STXBP4: variants seen among roughly 807,000 people sequenced by gnomAD.
STXBP4 encodes syntaxin-binding protein 4.
A neutral mutation model predicts 76.1 loss-of-function variants in STXBP4; 55 were observed. That is an observed-to-expected ratio of 0.72 (90% CI 0.58 to 0.91). The LOEUF (loss-of-function observed/expected upper bound fraction) is 0.91, where lower values mean the gene tolerates loss of function less well. Among genes scored for constraint, STXBP4 ranks in the 40% least tolerant of loss-of-function variants. The pLI is 0.00. For missense variants in STXBP4, 618 were observed against 636.9 expected (o/e 0.97, Z 0.32); for synonymous variants, 201 against 220.2 (o/e 0.91, Z 0.77).
intron 12 of STXBP4, among the ~76,000 whole-genome samples, chr17:55,066,802 C>G (rs2079057097): frequency 1.3e-5 from 2 of 152,180 alleles, no homozygotes; most frequent in South Asian, 2.1e-4. Context: ...TTTAGATCAC[C>G]TTGAACCTGG....
chr17:55,198,640 T>C, the STXBP4 span, among the ~76,000 whole-genome samples: 31 of 152,208 alleles, frequency 2.0e-4, no homozygotes, highest in Admixed American at 6.5e-5. Context: ...CCTCATTAAA[T>C]ATAACGACTT....
At position 55,014,597 on chromosome 17, in the gene STXBP4, T is replaced by C. The variant is rs568585363; in HGVS notation, c.666+7000T>C. Among the ~76,000 whole-genome samples the C allele has an allele frequency of 9.9e-4, 150 of 152,202 alleles. 3 individuals carry two copies. Among genetic ancestry groups the C allele is most frequent in the African/African-American group, 3.5e-3 (146 of 41,530 alleles). ...CCTCCTGGCCCTTAATGGTCAAGCA[T>C]ACCCGGGGCTCTGTGAAGGTGATGG... On this transcript the variant is annotated intron_variant, in intron 8 of 17. Transcript: ENST00000376352.
At chr17:55,103,101 G>C (rs530944823) in intron 16 of STXBP4, among the ~76,000 whole-genome samples, 14 of 152,148 alleles carry the variant, frequency 9.2e-5, no homozygotes, top group Non-Finnish European at 1.9e-4. Flanking sequence ...TCTGATGATA[G>C]TTTCTTTTGC....
In STXBP4 at chr17:55,163,367, A is replaced by G. The variant is rs2080354159; in HGVS notation, c.*3456A>G. On this transcript the variant is annotated 3_prime_UTR_variant, in exon 18 of 18. Transcript: ENST00000376352. The stretch of plus-strand genomic sequence containing the variant: ...GAAGTCAAGTAGTGACTAACTCACT[A>G]TATGTCAAACACATCATTACTCTTC... 6.6e-6 allele frequency: 1 copy of G among 152,158 alleles called. No homozygotes were observed. 9.4% of individuals were successfully genotyped at this position (152,158 alleles called of 1,614,324 possible).
intron 7 of STXBP4, among the ~76,000 whole-genome samples, chr17:55,001,478 C>A (rs951147200): frequency 1.3e-5 from 2 of 151,372 alleles, no homozygotes; most frequent in African/African-American, 2.4e-5. Context: ...AGGATCAATA[C>A]GAAGAAAAAA....
At chr17:55,148,835 T>C (rs1053863199) in intron 17 of STXBP4, among the ~76,000 whole-genome samples, 10 of 152,294 alleles carry the variant, frequency 6.6e-5, no homozygotes, top group Middle Eastern at 3.4e-3. Flanking sequence ...CCTAGCTTAT[T>C]TTGGCTTTTA....
chr17:55,208,984 A>G, the STXBP4 span, among the ~76,000 whole-genome samples: 2 of 151,950 alleles, frequency 1.3e-5, no homozygotes, highest in African/African-American at 4.8e-5. Context: ...CAGGAGGCTG[A>G]GGCAGGAGAA....
chr17:55,134,251 G>A (rs2080003468), intron 16 of STXBP4, among the ~76,000 whole-genome samples: 1 of 151,964 alleles, frequency 6.6e-6, no homozygotes, highest in African/African-American at 2.4e-5. Context: ...GAGGTAAGAA[G>A]CAAGGTCATC....
At chr17:55,072,302 G>A (rs2079129670) in intron 12 of STXBP4, among the ~76,000 whole-genome samples, 1 of 152,156 alleles carries the variant, frequency 6.6e-6, no homozygotes, top group Non-Finnish European at 1.5e-5. Context: ...GACACGTGAT[G>A]CACCTGAGAC....
chr17:55,097,011 GA>G (rs971161686), intron 16 of STXBP4, among the ~76,000 whole-genome samples: 20 of 151,580 alleles, frequency 1.3e-4, no homozygotes, highest in Non-Finnish European at 2.7e-4. Context: ...TTTGTTGAAT[GA>G]AAAAAAATGA....
intron 8 of STXBP4, among the ~76,000 whole-genome samples, chr17:55,014,466 A>T (rs1284259218): frequency 6.6e-6 from 1 of 152,108 alleles, no homozygotes; most frequent in Admixed American, 6.5e-5. Flanking sequence ...GTATCTAGTG[A>T]CTGGCTGTCC....
intron 17 of STXBP4, among the ~76,000 whole-genome samples, chr17:55,154,284 A>G (rs891440744): frequency 2.6e-5 from 4 of 152,224 alleles, no homozygotes; most frequent in African/African-American, 9.6e-5. Flanking sequence ...TTCTATTGAC[A>G]GGAACTAATC....
chr17:55,180,215 G>T, the STXBP4 span, among the ~76,000 whole-genome samples: 2 of 152,154 alleles, frequency 1.3e-5, no homozygotes, highest in Non-Finnish European at 2.9e-5. Context: ...CACATGATAA[G>T]ACCGTCGTAA....
intron 17 of STXBP4, among the ~76,000 whole-genome samples, chr17:55,144,125 T>C (rs1298768367): frequency 6.6e-6 from 1 of 151,960 alleles, no homozygotes; most frequent in African/African-American, 2.4e-5. Context: ...AAACAGATCT[T>C]AATTTAGGAA....
rs186804341 is a variant in STXBP4, at chr17:55,076,821, T to C, written c.1189-1257T>C. On this transcript the variant is annotated intron_variant, in intron 13 of 17. Coordinates refer to ENST00000376352, the MANE Select transcript of STXBP4 (RefSeq NM_178509.6). ...CTGGCTGTTTTCTCTTTACCTTTTCTCCCCATTTGTATTTCAATTTTTGTC... is the reference window on the plus strand; with the variant it reads ...CTGGCTGTTTTCTCTTTACCTTTTCCCCCCATTTGTATTTCAATTTTTGTC... Among the ~76,000 whole-genome samples, 8 of 152,270 alleles carry C rather than the reference T, an allele frequency of 5.3e-5. No homozygotes were observed. The East Asian group carries it at 1.5e-3, about 29-fold the overall frequency.
At chr17:55,062,417 A>G (rs1456103706) in intron 12 of STXBP4, among the ~76,000 whole-genome samples, 1 of 151,902 alleles carries the variant, frequency 6.6e-6, no homozygotes, top group Non-Finnish European at 1.5e-5. Context: ...AAGGACATGC[A>G]CTCATCCTTT....
Position 55,031,190 on chromosome 17 carries a change from A to T in STXBP4, c.689A>T (p.Gln230Leu). 2 of 1,613,258 alleles carry T rather than the reference A, an allele frequency of 1.2e-6. No homozygotes were observed. Among genetic ancestry groups the T allele is most frequent in the Non-Finnish European group, 1.7e-6 (2 of 1,179,376 alleles). ...LEMALNYLGI[Q>L]PTKEQHQALR... ...CAGGCTCTAAATTATCTTGGTATTC[A>T]GCCCACAAAGGAACAACACCAAGCC... is the stretch of plus-strand genomic sequence containing the variant. The change falls in exon 9 of 18, where the codon CAG (glutamine) becomes CTG (leucine). Residue 230 changes from glutamine to leucine, a missense_variant. Physicochemically the swap from Gln to Leu is moderately radical, Grantham distance 113. Coordinates refer to ENST00000376352, the MANE Select transcript of STXBP4 (RefSeq NM_178509.6).
chr17:55,073,046 T>G lies in STXBP4; in HGVS notation c.1158T>G (p.Ala386=). The G allele has an allele frequency of 6.2e-7, 1 of 1,613,790 alleles. No individual in the cohort carries two copies. Among genetic ancestry groups the G allele is most frequent in the East Asian group, 2.2e-5 (1 of 44,854 alleles). Residue 386 remains alanine, a synonymous_variant, in exon 13 of 18, where the codon GCT becomes GCG. Transcript: ENST00000376352. The part of the protein sequence containing the change: ...LLEAKITELK[A]QLADYSDQNK... The stretch of plus-strand genomic sequence containing the variant: ...AGGCCAAGATTACAGAGCTAAAGGC[T>G]CAGCTTGCTGATTATTCTGACCAAA...
intron 13 of STXBP4, among the ~76,000 whole-genome samples, chr17:55,076,110 C>A (rs1288852503): frequency 1.3e-5 from 2 of 152,110 alleles, no homozygotes; most frequent in African/African-American, 2.4e-5. Flanking sequence ...AAATCTTCTT[C>A]CAAATTTCTG....
Sources: gnomAD v4.1 joint callset for allele counts (sites outside exome capture counted in the v4.1 genomes callset) on GRCh38, gnomAD v4.1.1 for gene constraint, MANE v1.5 for transcripts, NCBI Gene and HGNC (gene_info 2026-07-23, HGNC 2026-07-21) for gene names.